Variants in CRYBG3 observed in about 807,000 individuals in gnomAD.
CRYBG3 encodes crystallin beta-gamma domain containing 3, also known as very large A-kinase anchor protein.
In CRYBG3, 127 loss-of-function variants were observed where a neutral mutation model predicts 244.2. That is an observed-to-expected ratio of 0.52 (90% CI 0.45 to 0.60). The LOEUF is 0.60. Ranked by LOEUF, CRYBG3 falls within the 20% of genes least tolerant of loss-of-function variation. The pLI, the probability that CRYBG3 is intolerant of heterozygous loss-of-function variation, is 0.00. For synonymous variants in CRYBG3, 1,132 were observed against 1,195.8 expected, an observed-to-expected ratio of 0.95 and a Z score of 1.10; for missense variants, 3,325 against 3,442.5, an observed-to-expected ratio of 0.97 and a Z score of 0.85.
At position 97,864,636 on chromosome 3, in the gene CRYBG3, T is replaced by C; in HGVS notation, c.636T>C (p.Thr212=). 1 of 1,508,896 alleles carries C rather than the reference T, an allele frequency of 6.6e-7. No individual in the cohort carries two copies. The highest frequency in any genetic ancestry group is 8.8e-7 in the Non-Finnish European group (1 of 1,135,510). The allele number at this position is 1,508,896 out of a possible 1,614,324, so 93.5% of individuals were successfully genotyped here. Residue 212 remains threonine (T), a synonymous_variant, in exon 3 of 22, where the codon ACT becomes ACC. Transcript: ENST00000389622. ...CACAAGACAGTGACCAAGAAACCAC[T>C]AATTTGCTAAAGTAAGTTTAAAATT... ...DTTQDSDQET[T]NLLKQIDGKP...
At chr3:97,835,715 G>C (rs1157957984) in intron 1 of CRYBG3, among the ~76,000 whole-genome samples, 1 of 152,170 alleles carries the variant, frequency 6.6e-6, no homozygotes. Flanking sequence ...AAGGATTTCA[G>C]TTGGGGGGGA....
intron 18 of CRYBG3, 26 bp from the exon 19 acceptor site, chr3:97,936,759 T>A: frequency 1.2e-6 from 2 of 1,607,532 alleles, no homozygotes; most frequent in Middle Eastern, 1.7e-4. Flanking sequence ...TGAAGTACAC[T>A]ACTTTTTTCT....
At chr3:97,923,011 A>G (rs951474698) in intron 17 of CRYBG3, among the ~76,000 whole-genome samples, 1 of 152,180 alleles carries the variant, frequency 6.6e-6, no homozygotes, top group Non-Finnish European at 1.5e-5. Flanking sequence ...TGCAGCCATA[A>G]AAAAGGATGA....
Position 97,873,434 on chromosome 3 carries a change from G to C in CRYBG3, c.2240G>C (p.Gly747Ala), listed in dbSNP as rs139338714. 5.9e-6 allele frequency: 9 copies of C among 1,535,242 alleles called. No individual in the cohort carries two copies. Among genetic ancestry groups the C allele is most frequent in the Non-Finnish European group, 7.0e-6 (8 of 1,146,644 alleles). The change falls in exon 4 of 22, where the codon GGT becomes GCT. Residue 747 changes from glycine (G) to alanine (A), a missense_variant. Gly to Ala is a moderately conservative substitution (Grantham distance 60). Around this residue, in one of 4 missense-constraint regions of CRYBG3, gnomAD observed 1,526 missense variants for 1,443.2 expected, o/e 1.06. Transcript: ENST00000389622. ...SNSEKCQVLP[G>A]SEASGPHLTG... ...AGTGAAAAATGCCAGGTTCTTCCAGGTTCTGAAGCCAGTGGCCCTCACTTA... is the reference window on the plus strand; with the variant it reads ...AGTGAAAAATGCCAGGTTCTTCCAGCTTCTGAAGCCAGTGGCCCTCACTTA...
At chr3:97,826,962 A>G (rs552985303) in intron 1 of CRYBG3, among the ~76,000 whole-genome samples, 5 of 152,344 alleles carry the variant, frequency 3.3e-5, no homozygotes, top group Non-Finnish European at 5.9e-5. Context: ...ATGTTCTCAC[A>G]TTATTAACTT....
intron 7 of CRYBG3, among the ~76,000 whole-genome samples, chr3:97,883,707 G>A (rs1278496366): frequency 2.6e-5 from 4 of 152,076 alleles, no homozygotes; most frequent in African/African-American, 9.7e-5. Flanking sequence ...AGTGAGGAAG[G>A]AAAATAAAAC....
At chr3:97,884,570 C>T (rs564037620) in intron 7 of CRYBG3, among the ~76,000 whole-genome samples, 23 of 152,104 alleles carry the variant, frequency 1.5e-4, no homozygotes, top group African/African-American at 5.5e-4. Context: ...AGCAGGACTA[C>T]GAAAGTATAC....
Position 97,874,839 on chromosome 3 carries a change from A to C in CRYBG3, c.3645A>C (p.Leu1215=). 1 of 1,535,978 alleles carries C rather than the reference A, an allele frequency of 6.5e-7. No homozygotes were observed. The highest frequency in any genetic ancestry group is 2.4e-5 in the East Asian group (1 of 40,918). Residue 1215 remains leucine (L), a synonymous_variant, in exon 4 of 22, where the codon CTA becomes CTC. Coordinates refer to ENST00000389622, the MANE Select transcript of CRYBG3 (RefSeq NM_153605.4). ...GEIFNSVREE[L]KFKHTVSTCQ... ...TTTTTAATTCTGTCAGGGAAGAACTAAAATTCAAACACACAGTGAGTACCT... is the reference window on the plus strand; with the variant it reads ...TTTTTAATTCTGTCAGGGAAGAACTCAAATTCAAACACACAGTGAGTACCT...
chr3:97,895,813 C>G lies in CRYBG3; in HGVS notation c.7575-146C>G, dbSNP rs150493012. Reference sequence around the variant, plus strand: ...GATCTATGAAGCACACACCATTTGTCTATCTTTATAAATGAAACAAAACTA... The same window carrying G: ...GATCTATGAAGCACACACCATTTGTGTATCTTTATAAATGAAACAAAACTA... On this transcript the variant is annotated intron_variant, in intron 11 of 21. Transcript: ENST00000389622. 20 of 660,230 alleles carry G rather than the reference C, an allele frequency of 3.0e-5. No individual in the cohort carries two copies. The East Asian group carries it at 4.9e-4, about 16-fold the overall frequency. 40.9% of individuals were successfully genotyped at this position (660,230 alleles called of 1,614,324 possible). A position where few individuals can be genotyped will look rare whatever the true frequency, so the allele number is the denominator to read the frequency against.
chr3:97,922,794 T>A (rs2039996886), intron 17 of CRYBG3, among the ~76,000 whole-genome samples: 1 of 152,090 alleles, frequency 6.6e-6, no homozygotes, highest in African/African-American at 2.4e-5. Flanking sequence ...TCCTCAAGGA[T>A]CTAGAACTAG....
Position 97,899,174 on chromosome 3 carries a change from C to T in CRYBG3, c.7882C>T (p.Gln2628Ter). 6.2e-7 allele frequency: 1 copy of T among 1,613,180 alleles called. No individual in the cohort carries two copies. The change falls in exon 14 of 22, where the codon CAA becomes TAA. Residue 2628 changes from glutamine to a stop codon, truncating the protein, a stop_gained. Coordinates refer to ENST00000389622, the MANE Select transcript of CRYBG3 (RefSeq NM_153605.4). LOFTEE classifies it high-confidence loss of function. ...CCAGCAAAAGTTCTTCTGTGGAGAA[C>T]AATACATTTTAGAAAAAGGGAAATA... ...AYQQKFFCGE[Q>*]YILEKGKYKC...
intron 3 of CRYBG3, among the ~76,000 whole-genome samples, chr3:97,870,499 T>C (rs1559726021): frequency 6.6e-6 from 1 of 152,192 alleles, no homozygotes; most frequent in Admixed American, 6.5e-5. Flanking sequence ...TAGTATTCAA[T>C]GGCATATATG....
At position 97,822,131 on chromosome 3, in the gene CRYBG3, C is replaced by A. The variant is rs568931808; in HGVS notation, c.-76C>A. 4 of 1,323,634 alleles carry A rather than the reference C, an allele frequency of 3.0e-6. No homozygotes were observed. Among genetic ancestry groups the A allele is most frequent in the South Asian group, 1.7e-5 (1 of 57,954 alleles). The allele number at this position is 1,323,634 out of a possible 1,614,324, so 82.0% of individuals were successfully genotyped here. On this transcript the variant is annotated 5_prime_UTR_variant, in exon 1 of 22. Transcript: ENST00000389622. The stretch of plus-strand genomic sequence containing the variant: ...TGCCCTAGCCGCATCCCGCGGCGCC[C>A]GGTCGGGCTCCGGGCACCAGGCAAC...
At chr3:97,940,654 T>C (rs961760155) in intron 19 of CRYBG3, among the ~76,000 whole-genome samples, 3 of 152,006 alleles carry the variant, frequency 2.0e-5, no homozygotes, top group Admixed American at 6.6e-5. Flanking sequence ...AGGTCTTATA[T>C]AAACAAATAA....
At chr3:97,851,593 G>A (rs1279782134) in intron 2 of CRYBG3, among the ~76,000 whole-genome samples, 2 of 152,178 alleles carry the variant, frequency 1.3e-5, no homozygotes, top group Non-Finnish European at 2.9e-5. Context: ...AAGATACACA[G>A]TAGTGTGAGA....
At chr3:97,885,447 C>T (rs1392818820) in intron 7 of CRYBG3, among the ~76,000 whole-genome samples, 1 of 152,098 alleles carries the variant, frequency 6.6e-6, no homozygotes, top group African/African-American at 2.4e-5. Flanking sequence ...ATTACTAAAA[C>T]TTGAGTTGTA....
chr3:97,845,212 T>C (rs1377599161), intron 2 of CRYBG3, among the ~76,000 whole-genome samples: 1 of 152,226 alleles, frequency 6.6e-6, no homozygotes, highest in Non-Finnish European at 1.5e-5. Context: ...ATAACAGATT[T>C]ATGTAAACAT....
At chr3:97,887,587 A>G (rs1457463401) in intron 8 of CRYBG3, among the ~76,000 whole-genome samples, 2 of 152,118 alleles carry the variant, frequency 1.3e-5, no homozygotes, top group African/African-American at 2.4e-5. Flanking sequence ...CCCCATCTCT[A>G]CTAAAAAAAT....
chr3:97,828,922 C>G (rs554301915), intron 1 of CRYBG3, among the ~76,000 whole-genome samples: 1 of 149,684 alleles, frequency 6.7e-6, no homozygotes, highest in Non-Finnish European at 1.5e-5. Flanking sequence ...TTTGTATATA[C>G]AAAAGAAGGG....
Sources: gnomAD v4.1 joint callset for allele counts (sites outside exome capture counted in the v4.1 genomes callset) on GRCh38, gnomAD v4.1.1 for gene constraint, gnomAD v4.1.1 regional missense constraint, MANE v1.5 for transcripts, NCBI Gene and HGNC (gene_info 2026-07-23, HGNC 2026-07-21) for gene names.